NKAIN2: variants seen among roughly 807,000 people sequenced by gnomAD.
The protein encoded by NKAIN2 is sodium/potassium-transporting ATPase subunit beta-1-interacting protein 2.
NKAIN2 carries 14 observed loss-of-function variants against 32.6 expected under a neutral mutation model. That is an observed-to-expected ratio of 0.43 (90% CI 0.28 to 0.67). The LOEUF (loss-of-function observed/expected upper bound fraction) is 0.67, where lower values mean the gene tolerates loss of function less well. Among genes scored for constraint, NKAIN2 ranks in the 30% least tolerant of loss-of-function variants. The pLI is 0.17. For missense variants in NKAIN2, 198 were observed against 258.3 expected, an observed-to-expected ratio of 0.77 and a Z score of 1.60; for synonymous variants, 80 against 87.2, an observed-to-expected ratio of 0.92 and a Z score of 0.46.
intron 3 of NKAIN2, among the ~76,000 whole-genome samples, chr6:124,394,250 G>A (rs1274688859): frequency 6.6e-6 from 1 of 152,060 alleles, no homozygotes; most frequent in Non-Finnish European, 1.5e-5. Flanking sequence ...TAAAATGGCT[G>A]GGTTATGTTT....
At chr6:123,827,141 T>C (rs1433610613) in intron 1 of NKAIN2, among the ~76,000 whole-genome samples, 1 of 152,162 alleles carries the variant, frequency 6.6e-6, no homozygotes, top group Non-Finnish European at 1.5e-5. Flanking sequence ...AATCTATCTT[T>C]TATGGAGAAA....
At chr6:124,569,904 G>T (rs1481190714) in intron 3 of NKAIN2, among the ~76,000 whole-genome samples, 1 of 152,208 alleles carries the variant, frequency 6.6e-6, no homozygotes, top group Non-Finnish European at 1.5e-5. Flanking sequence ...ACAAGAAAAT[G>T]TGGGAAGGTT....
chr6:124,334,384 G>A (rs529111296), intron 2 of NKAIN2, among the ~76,000 whole-genome samples: 1 of 152,310 alleles, frequency 6.6e-6, no homozygotes, highest in African/African-American at 2.4e-5. Flanking sequence ...ATGCAATGCT[G>A]GCTGAACACA....
At chr6:124,792,239 G>A (rs906125160) in intron 5 of NKAIN2, among the ~76,000 whole-genome samples, 6 of 152,130 alleles carry the variant, frequency 3.9e-5, no homozygotes, top group South Asian at 2.1e-4. Flanking sequence ...TTTTGAAACA[G>A]TAAGGAAAGA....
intron 3 of NKAIN2, among the ~76,000 whole-genome samples, chr6:124,498,164 A>C (rs1028394228): frequency 1.3e-5 from 2 of 152,176 alleles, no homozygotes; most frequent in African/African-American, 4.8e-5. Flanking sequence ...AGAGTTACTT[A>C]TTCATTCCTG....
At chr6:123,931,591 T>A (rs1189595437) in intron 1 of NKAIN2, among the ~76,000 whole-genome samples, 1 of 152,146 alleles carries the variant, frequency 6.6e-6, no homozygotes, top group East Asian at 1.9e-4. Context: ...TAATATTGGA[T>A]AAATAAGAGA....
At chr6:124,356,224 T>G (rs1798967489) in intron 3 of NKAIN2, among the ~76,000 whole-genome samples, 1 of 152,170 alleles carries the variant, frequency 6.6e-6, no homozygotes, top group South Asian at 2.1e-4. Flanking sequence ...AAAAAAAATT[T>G]TTTTTAAAGA....
At chr6:123,833,895 T>G (rs1327178868) in intron 1 of NKAIN2, among the ~76,000 whole-genome samples, 1 of 151,756 alleles carries the variant, frequency 6.6e-6, no homozygotes, top group Non-Finnish European at 1.5e-5. Flanking sequence ...GCCTGGCTAC[T>G]TTTTGTATTT....
chr6:124,251,753 C>T (rs903505989), intron 1 of NKAIN2, among the ~76,000 whole-genome samples: 7 of 151,940 alleles, frequency 4.6e-5, no homozygotes, highest in Non-Finnish European at 1.5e-5. Flanking sequence ...CAAAGGGACC[C>T]TTCAATCTCC....
intron 1 of NKAIN2, among the ~76,000 whole-genome samples, chr6:123,913,170 C>T (rs1775308737): frequency 6.6e-6 from 1 of 152,176 alleles, no homozygotes; most frequent in African/African-American, 2.4e-5. Flanking sequence ...CATCCAAACT[C>T]ATCCAACATA....
intron 3 of NKAIN2, among the ~76,000 whole-genome samples, chr6:124,611,736 T>C (rs1782697840): frequency 6.6e-6 from 1 of 152,028 alleles, no homozygotes; most frequent in African/African-American, 2.4e-5. Context: ...AGAAAAGAGG[T>C]AAGTGTTTAC....
rs770216577 is a variant in NKAIN2, at chr6:124,434,072, C to G, written c.273+78725C>G. On this transcript the variant is annotated intron_variant, in intron 3 of 6. Transcript: ENST00000368417. ...CAGTGAGCGTATAGCCTTCCAGCCC[C>G]CTATGTGCTCAGAGAAAACAGACTT... Among the ~76,000 whole-genome samples the G allele has an allele frequency of 3.3e-5, 5 of 152,126 alleles. No individual in the cohort carries two copies. In the East Asian group the frequency reaches 7.7e-4, roughly 23 times the overall value.
At chr6:123,936,474 G>A (rs1374092796) in intron 1 of NKAIN2, among the ~76,000 whole-genome samples, 1 of 152,094 alleles carries the variant, frequency 6.6e-6, no homozygotes, top group Non-Finnish European at 1.5e-5. Context: ...TATCTGCAGT[G>A]TCAAAGAAAA....
chr6:124,510,439 A>G (rs1778666220), intron 3 of NKAIN2, among the ~76,000 whole-genome samples: 1 of 152,172 alleles, frequency 6.6e-6, no homozygotes, highest in Non-Finnish European at 1.5e-5. Context: ...TTCGATCAAG[A>G]GGGGTCCAGT....
At chr6:123,871,813 CAT>C (rs2114285951) in intron 1 of NKAIN2, among the ~76,000 whole-genome samples, 1 of 152,288 alleles carries the variant, frequency 6.6e-6, no homozygotes. Context: ...TAATTTAAAA[CAT>C]ATAAATATTC....
At chr6:124,443,112 A>G (rs1775756952) in intron 3 of NKAIN2, among the ~76,000 whole-genome samples, 1 of 152,166 alleles carries the variant, frequency 6.6e-6, no homozygotes, top group African/African-American at 2.4e-5. Context: ...TTTTACTTTA[A>G]GGAAGTGTTT....
intron 1 of NKAIN2, among the ~76,000 whole-genome samples, chr6:124,119,425 C>T (rs1187315308): frequency 1.3e-5 from 2 of 152,134 alleles, no homozygotes; most frequent in Non-Finnish European, 2.9e-5. Flanking sequence ...ATCTCCTTAT[C>T]AGGAAGTTGG....
At chr6:124,629,875 A>ATACT (rs137905556) in intron 3 of NKAIN2, among the ~76,000 whole-genome samples, 6,503 of 152,162 alleles carry the variant, frequency 0.043, 236 homozygotes, top group African/African-American at 0.1. Flanking sequence ...TATCCAAGAG[A>ATACT]TACTTATGCT....
At chr6:124,600,342 A>G (rs1267060841) in intron 3 of NKAIN2, among the ~76,000 whole-genome samples, 1 of 152,148 alleles carries the variant, frequency 6.6e-6, no homozygotes. Flanking sequence ...GCATATTTAT[A>G]TGCTCTTATA....
Sources: gnomAD v4.1 joint callset for allele counts (sites outside exome capture counted in the v4.1 genomes callset) on GRCh38, gnomAD v4.1.1 for gene constraint, MANE v1.5 for transcripts, NCBI Gene and HGNC (gene_info 2026-07-23, HGNC 2026-07-21) for gene names.